The following ALMS1 variants were observed in gnomAD, a reference collection of about 807,000 sequenced individuals.
ALMS1 encodes ALMS1 centrosome and basal body associated protein.
Under a neutral mutation model 352.2 loss-of-function variants are expected in ALMS1, and 271 were observed. The observed-to-expected ratio is 0.77, with a 90% CI of 0.70 to 0.85. ALMS1 has a LOEUF of 0.85. ALMS1 is among the 40% of genes least tolerant of loss of function. ALMS1 has a pLI of 0.00. For missense variants in ALMS1, 5,445 were observed against 4,870.7 expected (o/e 1.12, Z -3.51); for synonymous variants, 1,865 against 1,761.2 (o/e 1.06, Z -1.48).
At chr2:73,591,358 A>G (rs1478413892) in intron 16 of ALMS1, among the ~76,000 whole-genome samples, 2 of 152,200 alleles carry the variant, frequency 1.3e-5, no homozygotes, top group African/African-American at 2.4e-5. Context: ...TTATTTCCAA[A>G]TGGTAGCTAG....
chr2:73,491,785 T>C (rs919420742), intron 10 of ALMS1, among the ~76,000 whole-genome samples: 6 of 152,316 alleles, frequency 3.9e-5, no homozygotes, highest in South Asian at 2.1e-4. Flanking sequence ...AATGATACAA[T>C]TACGAATTTA....
Position 73,521,921 on chromosome 2 carries a change from G to GT in ALMS1, c.9781+1914dup, listed in dbSNP as rs995261710. Among the ~76,000 whole-genome samples the GT allele has an allele frequency of 6.6e-5, 10 of 151,564 alleles. No individual in the cohort carries two copies. In the East Asian group the frequency reaches 9.7e-4, roughly 15 times the overall value. On this transcript the variant is annotated intron_variant, in intron 11 of 22. Transcript: ENST00000613296. Reference sequence around the variant, plus strand: ...GGTCAAAAGTAAAATTTTATGAGGTGTTTTTTTTTGTTTGTTTGTTTTTTG... The same window carrying GT: ...GGTCAAAAGTAAAATTTTATGAGGTGTTTTTTTTTTGTTTGTTTGTTTTTTG...
At chr2:73,398,279 A>C (rs1670804319) in intron 1 of ALMS1, among the ~76,000 whole-genome samples, 1 of 152,188 alleles carries the variant, frequency 6.6e-6, no homozygotes, top group Non-Finnish European at 1.5e-5. Context: ...TTGGTCAAAA[A>C]ATCAATTGAA....
At chr2:73,415,004 C>A (rs1671158253) in intron 2 of ALMS1, among the ~76,000 whole-genome samples, 1 of 152,122 alleles carries the variant, frequency 6.6e-6, no homozygotes, top group Non-Finnish European at 1.5e-5. Context: ...TCAACCTCTG[C>A]TTGAAACGCT....
rs532325268 is a variant in ALMS1 at position 73,450,243 on chromosome 2, A to G, written c.3716A>G (p.Tyr1239Cys). ...TGTPTPTSAS[Y>C]SHTEKPGIFY... is the part of the protein sequence containing the mutation. ...ACACCAACTCCAACCTCTGCTTCTT[A>G]CTCACACACAGAGAAGCCTGGTATT... Residue 1239 changes from tyrosine (Y) to cysteine (C), a missense_variant, in exon 8 of 23, where the codon TAC (tyrosine) becomes TGC (cysteine). Physicochemically the swap from Tyr to Cys is radical, Grantham distance 194. Transcript: ENST00000613296. 6.2e-7 allele frequency: 1 copy of G among 1,613,982 alleles called. No homozygotes were observed. The highest frequency in any genetic ancestry group is 1.1e-5 in the South Asian group (1 of 91,074).
chr2:73,433,990 CT>C (rs899571243), intron 7 of ALMS1, among the ~76,000 whole-genome samples: 4 of 151,984 alleles, frequency 2.6e-5, no homozygotes, highest in African/African-American at 9.7e-5. Context: ...TAAGTTTTCC[CT>C]TCTTTTGTTC....
At chr2:73,567,917 A>G (rs926261592) in intron 15 of ALMS1, among the ~76,000 whole-genome samples, 2 of 152,168 alleles carry the variant, frequency 1.3e-5, no homozygotes, top group Admixed American at 6.5e-5. Flanking sequence ...ATGGTAGAAA[A>G]TATCATAATG....
intron 12 of ALMS1, among the ~76,000 whole-genome samples, chr2:73,546,710 G>A (rs1245214625): frequency 6.6e-6 from 1 of 152,228 alleles, no homozygotes; most frequent in Non-Finnish European, 1.5e-5. Flanking sequence ...TAGGCAGAGA[G>A]TGGAGTGTGA....
At chr2:73,499,711 T>C (rs1426967870) in intron 10 of ALMS1, among the ~76,000 whole-genome samples, 1 of 152,156 alleles carries the variant, frequency 6.6e-6, no homozygotes, top group East Asian at 1.9e-4. Context: ...ATATTGAAAT[T>C]TGATCCCCAG....
chr2:73,599,220 C>A (rs1318569934), intron 16 of ALMS1, among the ~76,000 whole-genome samples, 181 bp from the exon 17 acceptor site: 1 of 152,114 alleles, frequency 6.6e-6, no homozygotes, highest in African/African-American at 2.4e-5. Context: ...GTCCTATCCA[C>A]CTACAACATT....
chr2:73,604,142 A>G (rs1364423799), intron 21 of ALMS1, among the ~76,000 whole-genome samples: 1 of 152,214 alleles, frequency 6.6e-6, no homozygotes. Context: ...AACTGGTAAT[A>G]CTGATTGCCT....
chr2:73,398,408 A>G (rs1325165207), intron 1 of ALMS1, among the ~76,000 whole-genome samples: 1 of 152,148 alleles, frequency 6.6e-6, no homozygotes, highest in Non-Finnish European at 1.5e-5. Flanking sequence ...GAAGTTAGGT[A>G]GTGTCAGTCC....
intron 9 of ALMS1, chr2:73,470,698 G>A (rs1331188301): frequency 6.6e-6 from 1 of 151,790 alleles, no homozygotes; most frequent in Non-Finnish European, 1.5e-5. Context: ...TATTGAAAAT[G>A]GGGTACTGAC....
chr2:73,559,314 CTA>C (rs10684777), intron 15 of ALMS1, among the ~76,000 whole-genome samples, 172 bp downstream of exon 15: 3 of 150,234 alleles, frequency 2.0e-5, no homozygotes, highest in Non-Finnish European at 3.0e-5. Flanking sequence ...TATTAGGTTA[CTA>C]TATATATATA....
At chr2:73,485,510 G>A (rs974653520) in intron 9 of ALMS1, among the ~76,000 whole-genome samples, 10 of 152,230 alleles carry the variant, frequency 6.6e-5, no homozygotes, top group African/African-American at 2.4e-4. Flanking sequence ...AGTCTGCAGA[G>A]GTTACTGCTG....
rs1379683689 is a variant in ALMS1 at position 73,602,255 on chromosome 2, T to C, written c.12185T>C (p.Ile4062Thr). 1.2e-6 allele frequency: 2 copies of C among 1,614,044 alleles called. No homozygotes were observed. Among genetic ancestry groups the C allele is most frequent in the Middle Eastern group, 1.6e-4 (1 of 6,084 alleles). The change falls in exon 20 of 23, where the codon ATA (isoleucine) becomes ACA (threonine). Residue 4062 changes from isoleucine (I) to threonine (T), a missense_variant. Transcript: ENST00000613296. ...SGERIKRLKL[I>T]VQERKLQSML... is the part of the protein sequence containing the mutation. ...GAGCGGATAAAGCGCCTGAAGTTAA[T>C]AGTCCAGGAGAGGAAGCTGCAGAGC...
rs1672945488 is a variant in ALMS1 at position 73,490,131 on chromosome 2, A to G, written c.8172A>G (p.Lys2724=). 1.9e-6 allele frequency: 3 copies of G among 1,614,066 alleles called. No individual in the cohort carries two copies. The highest frequency in any genetic ancestry group is 1.3e-5 in the African/African-American group (1 of 74,918). The change falls in exon 10 of 23, where the codon AAA becomes AAG. Residue 2724 remains lysine, a synonymous_variant. Coordinates refer to ENST00000613296, the MANE Select transcript of ALMS1 (RefSeq NM_001378454.1). ...CTTTTTCATCTCACCGACATTCTAAATGCATTTCCAATTCCTCTGTTGTTA... is the reference window on the plus strand; with the variant it reads ...CTTTTTCATCTCACCGACATTCTAAGTGCATTTCCAATTCCTCTGTTGTTA... ...SITFSSHRHS[K]CISNSSVVKV...
At chr2:73,482,756 T>A (rs1279416826) in intron 9 of ALMS1, among the ~76,000 whole-genome samples, 1 of 151,884 alleles carries the variant, frequency 6.6e-6, no homozygotes, top group Non-Finnish European at 1.5e-5. Flanking sequence ...CAATTTCAGA[T>A]CCTGTTATTG....
rs868693381 is a variant in ALMS1 at position 73,452,859 on chromosome 2, G to A, written c.6332G>A (p.Gly2111Asp). The part of the protein sequence containing the change: ...SNIFSPQELP[G>D]SHVTEDVLKV... ...ATTTTCAGTCCACAGGAATTGCCAG[G>A]TAGTCATGTAACTGAAGATGTGCTG... Residue 2111 changes from glycine to aspartate, a missense_variant, in exon 8 of 23, where the codon GGT (glycine) becomes GAT (aspartate). Gly to Asp is a moderately conservative substitution (Grantham distance 94). Transcript: ENST00000613296. 1 of 1,613,798 alleles carries A rather than the reference G, an allele frequency of 6.2e-7. No homozygotes were observed. The highest frequency in any genetic ancestry group is 8.5e-7 in the Non-Finnish European group (1 of 1,179,974).
Sources: allele counts gnomAD v4.1 joint callset (sites outside exome capture counted in the v4.1 genomes callset), GRCh38; gene constraint gnomAD v4.1.1; transcripts MANE v1.5; gene names NCBI Gene and HGNC (gene_info 2026-07-23, HGNC 2026-07-21).